Variants in CSMD1 observed in about 807,000 individuals in gnomAD.
CSMD1 encodes CUB and Sushi multiple domains 1, also known as CUB and sushi domain-containing protein 1.
CSMD1 carries 213 observed loss-of-function variants against 417.5 expected under a neutral mutation model. That is an observed-to-expected ratio of 0.51 (90% CI 0.46 to 0.57). CSMD1 has a LOEUF of 0.57. CSMD1 is among the 20% of genes least tolerant of loss of function. The pLI, the probability that CSMD1 is intolerant of heterozygous loss-of-function variation, is 0.00. For missense variants in CSMD1, 6,923 were observed against 4,529.7 expected (o/e 1.53, Z -15.17); for synonymous variants, 2,862 against 1,736.8 (o/e 1.65, Z -16.11).
At chr8:4,148,736 C>T (rs112211277) in intron 3 of CSMD1, among the ~76,000 whole-genome samples, 6 of 152,194 alleles carry the variant, frequency 3.9e-5, no homozygotes, top group African/African-American at 1.4e-4. Flanking sequence ...CACCTCCTTG[C>T]CTCCTAAAGG....
At chr8:4,109,269 T>C (rs1435402917) in intron 3 of CSMD1, among the ~76,000 whole-genome samples, 1 of 152,188 alleles carries the variant, frequency 6.6e-6, no homozygotes, top group African/African-American at 2.4e-5. Context: ...CCTTGGTTGT[T>C]TGCAGAACAC....
At chr8:3,826,635 G>C (rs1441772447) in intron 5 of CSMD1, among the ~76,000 whole-genome samples, 1 of 152,072 alleles carries the variant, frequency 6.6e-6, no homozygotes, top group Non-Finnish European at 1.5e-5. Flanking sequence ...ATTACATCTG[G>C]ATTCTCTGTT....
intron 3 of CSMD1, among the ~76,000 whole-genome samples, chr8:4,077,607 T>G (rs561250363): frequency 7.9e-5 from 12 of 152,186 alleles, no homozygotes; most frequent in Non-Finnish European, 1.6e-4. Context: ...TCACTTGAAC[T>G]GCTGGTCATT....
intron 21 of CSMD1, among the ~76,000 whole-genome samples, chr8:3,353,767 A>G (rs201339033): frequency 7.3e-5 from 11 of 151,610 alleles, no homozygotes; most frequent in African/African-American, 2.4e-4. Flanking sequence ...GAATGAACAC[A>G]GTTTCTTAAT....
At chr8:3,664,835 T>A (rs1228823737) in intron 7 of CSMD1, among the ~76,000 whole-genome samples, 2 of 152,138 alleles carry the variant, frequency 1.3e-5, no homozygotes, top group South Asian at 2.1e-4. Flanking sequence ...TAGCTAAAAG[T>A]TTAGCAGTAA....
chr8:3,223,872 C>G lies in CSMD1; in HGVS notation c.4346-5G>C, dbSNP rs1183499664. ...TCAGATTCCCTCCACAAGCAGCTGT[C>G]ACAGAACAAAAGTTACAGAGAAAAA... On this transcript the variant is annotated splice_polypyrimidine_tract_variant and splice_region_variant and intron_variant, in intron 27 of 69. Transcript: ENST00000635120. 6.8e-6 allele frequency: 11 copies of G among 1,613,476 alleles called. No individual in the cohort carries two copies. Among genetic ancestry groups the G allele is most frequent in the African/African-American group, 1.3e-5 (1 of 74,986 alleles).
chr8:3,304,589 T>C (rs1300060103), intron 25 of CSMD1, among the ~76,000 whole-genome samples: 2 of 152,198 alleles, frequency 1.3e-5, no homozygotes, highest in African/African-American at 4.8e-5. Context: ...AAGAAGTTTA[T>C]GCTTTAAATT....
intron 2 of CSMD1, among the ~76,000 whole-genome samples, chr8:4,522,165 G>A (rs561512098): frequency 1.6e-4 from 24 of 152,194 alleles, no homozygotes; most frequent in Non-Finnish European, 2.6e-4. Flanking sequence ...GGCTGTTCTC[G>A]TGATAGTGAA....
rs549881857 is a variant in CSMD1, at chr8:3,864,473, C to CT, written c.819-110432dup. 2.7e-3 allele frequency among the ~76,000 whole-genome samples: 404 copies of CT among 152,206 alleles called. 1 individual carries two copies. Among genetic ancestry groups the CT allele is most frequent in the African/African-American group, 9.0e-3 (375 of 41,520 alleles). On this transcript the variant is annotated intron_variant, in intron 5 of 69. Transcript: ENST00000635120. ...GTTAAGGAAAAGAGGGAGGAAGACA[C>CT]TTTTTTTATTATACTTTAAGTTTTA... is the stretch of plus-strand genomic sequence containing the variant.
At chr8:4,640,733 C>A (rs549493148) in intron 1 of CSMD1, among the ~76,000 whole-genome samples, 2 of 151,960 alleles carry the variant, frequency 1.3e-5, no homozygotes, top group South Asian at 4.2e-4. Context: ...TAACATGAAT[C>A]CCTTGTAAGT....
At chr8:3,710,975 G>A (rs1801475868) in intron 6 of CSMD1, among the ~76,000 whole-genome samples, 1 of 152,134 alleles carries the variant, frequency 6.6e-6, no homozygotes, top group African/African-American at 2.4e-5. Context: ...CGCCAGCTGT[G>A]CTTCTGTATC....
rs546336740 is a variant in CSMD1, at chr8:3,356,814, G to C, written c.3304+2338C>G. ...TGCAGGAGGCTGCTGGCTGAGCACT[G>C]GGTGCACTCTGGAGAGCCAGGGAAT... is the stretch of plus-strand genomic sequence containing the variant. On this transcript the variant is annotated intron_variant, in intron 21 of 69. Transcript: ENST00000635120. 2.1e-3 allele frequency among the ~76,000 whole-genome samples: 325 copies of C among 152,336 alleles called. 3 individuals carry two copies. Among genetic ancestry groups the C allele is most frequent in the Non-Finnish European group, 2.0e-3 (135 of 68,026 alleles).
In CSMD1 at chr8:3,112,382, T is replaced by A. The variant is rs191309523; in HGVS notation, c.6431-2047A>T. On this transcript the variant is annotated intron_variant, in intron 42 of 69. Coordinates refer to ENST00000635120, the MANE Select transcript of CSMD1 (RefSeq NM_033225.6). The stretch of plus-strand genomic sequence containing the variant: ...AGTTACATAACCACATTATATATAG[T>A]AGCACCCTTCCTGTTGGGAAAACAA... 7.2e-5 allele frequency among the ~76,000 whole-genome samples: 11 copies of A among 152,302 alleles called. No individual in the cohort carries two copies. The East Asian group carries it at 1.9e-3, about 27-fold the overall frequency.
At chr8:4,372,289 G>A (rs892630044) in intron 3 of CSMD1, among the ~76,000 whole-genome samples, 4 of 152,126 alleles carry the variant, frequency 2.6e-5, no homozygotes, top group African/African-American at 9.7e-5. Context: ...TATTAAGTCT[G>A]TGGGTTAAAT....
chr8:4,465,809 A>C (rs1585123268), intron 2 of CSMD1, among the ~76,000 whole-genome samples: 1 of 152,112 alleles, frequency 6.6e-6, no homozygotes, highest in Admixed American at 6.6e-5. Context: ...TTTACTGCCA[A>C]CCCACCCCAC....
At chr8:4,285,542 C>T (rs1797013248) in intron 3 of CSMD1, among the ~76,000 whole-genome samples, 1 of 152,192 alleles carries the variant, frequency 6.6e-6, no homozygotes, top group African/African-American at 2.4e-5. Context: ...TCAGGGCTTT[C>T]TCTCCATGGA....
chr8:4,117,059 C>G (rs1802196153), intron 3 of CSMD1, among the ~76,000 whole-genome samples: 1 of 151,794 alleles, frequency 6.6e-6, no homozygotes, highest in South Asian at 2.1e-4. Context: ...AGTAGTTAAC[C>G]AGAATGAAAT....
intron 1 of CSMD1, among the ~76,000 whole-genome samples, chr8:4,712,827 G>T (rs929859604): frequency 6.6e-6 from 1 of 152,108 alleles, no homozygotes; most frequent in Non-Finnish European, 1.5e-5. Flanking sequence ...ACTATCTAAA[G>T]TTTCTATTTC....
At chr8:4,046,902 T>C (rs971243141) in intron 3 of CSMD1, among the ~76,000 whole-genome samples, 11 of 152,084 alleles carry the variant, frequency 7.2e-5, no homozygotes, top group African/African-American at 2.7e-4. Flanking sequence ...CATCTAAAAA[T>C]GGGCAGAGAG....
Sources: gnomAD v4.1 joint callset for allele counts (sites outside exome capture counted in the v4.1 genomes callset) on GRCh38, gnomAD v4.1.1 for gene constraint, MANE v1.5 for transcripts, NCBI Gene and HGNC (gene_info 2026-07-23, HGNC 2026-07-21) for gene names.